The following STX3 variants were observed in gnomAD, a reference collection of about 807,000 sequenced individuals.
STX3 encodes the protein syntaxin 3, also known as syntaxin-3.
Under a neutral mutation model 40.2 loss-of-function variants are expected in STX3, and 19 were observed. That is an observed-to-expected ratio of 0.47 (90% CI 0.33 to 0.69). The LOEUF is 0.69. Ranked by LOEUF, STX3 falls within the 30% of genes least tolerant of loss-of-function variation. The pLI, the probability that STX3 is intolerant of heterozygous loss-of-function variation, is 0.02. For missense variants in STX3, 364 were observed against 366.7 expected, an observed-to-expected ratio of 0.99 and a Z score of 0.06; for synonymous variants, 122 against 132.2, an observed-to-expected ratio of 0.92 and a Z score of 0.53.
chr11:59,795,954 T>C (rs1333366535), intron 9 of STX3, among the ~76,000 whole-genome samples: 1 of 152,160 alleles, frequency 6.6e-6, no homozygotes, highest in African/African-American at 2.4e-5. Flanking sequence ...TTCTGTAGGA[T>C]GGATGCATGG....
Position 59,803,283 on chromosome 11 carries a change from C to A in STX3, c.*2459C>A. ...TCATCTTAGCTTCCACCATTGGGAG[C>A]ATATTTGCCTGAAAAAGGTGAGCCA... On this transcript the variant is annotated 3_prime_UTR_variant, in exon 11 of 11. Transcript: ENST00000337979. The A allele has an allele frequency of 8.1e-7, 1 of 1,231,682 alleles. No homozygotes were observed. The highest frequency in any genetic ancestry group is 1.0e-6 in the Non-Finnish European group (1 of 987,944). 76.3% of individuals were successfully genotyped at this position (1,231,682 alleles called of 1,614,324 possible).
Position 59,804,509 on chromosome 11 carries a change from G to C in STX3, c.*3685G>C, listed in dbSNP as rs560694828. 1.3e-5 allele frequency: 2 copies of C among 152,332 alleles called. No homozygotes were observed. Among genetic ancestry groups the C allele is most frequent in the Non-Finnish European group, 2.9e-5 (2 of 68,030 alleles). 9.4% of individuals were successfully genotyped at this position (152,332 alleles called of 1,614,324 possible). A position where few individuals can be genotyped will look rare whatever the true frequency, so the allele number is the denominator to read the frequency against. On this transcript the variant is annotated 3_prime_UTR_variant, in exon 11 of 11. Transcript: ENST00000337979. ...TCTTTAAGGTACCAATGAGAACGTG[G>C]TTTGTTACTGTCAGAGGCTGTGTAA...
At chr11:59,782,917 T>G (rs1864492662) in intron 2 of STX3, among the ~76,000 whole-genome samples, 1 of 151,804 alleles carries the variant, frequency 6.6e-6, no homozygotes, top group Non-Finnish European at 1.5e-5. Context: ...GAGAATCACT[T>G]GAACCCGGGA....
chr11:59,755,476 C>G lies in STX3; in HGVS notation c.-130C>G. 8.3e-7 allele frequency: 1 copy of G among 1,199,640 alleles called. No individual in the cohort carries two copies. Among genetic ancestry groups the G allele is most frequent in the Non-Finnish European group, 1.1e-6 (1 of 918,596 alleles). 74.3% of individuals were successfully genotyped at this position (1,199,640 alleles called of 1,614,324 possible). A position where few individuals can be genotyped will look rare whatever the true frequency, so the allele number is the denominator to read the frequency against. On this transcript the variant is annotated 5_prime_UTR_variant, in exon 1 of 11. Coordinates refer to ENST00000337979, the MANE Select transcript of STX3 (RefSeq NM_004177.5). ...CCTAGCTAGCGGCCGCCGCCCGCCG[C>G]CGCCTGCGCCTCCAGCTCCTTCGCC...
chr11:59,766,670 C>T (rs1264091270), intron 1 of STX3, among the ~76,000 whole-genome samples: 2 of 152,246 alleles, frequency 1.3e-5, no homozygotes, highest in African/African-American at 4.8e-5. Context: ...TCCACTTTCT[C>T]AGCCCAGGAT....
intron 2 of STX3, among the ~76,000 whole-genome samples, chr11:59,775,265 T>C (rs1173773727): frequency 6.6e-6 from 1 of 152,198 alleles, no homozygotes; most frequent in Non-Finnish European, 1.5e-5. Flanking sequence ...ATCAGAGTCA[T>C]AGTGAGATCA....
At chr11:59,792,390 C>T (rs1337912232) in intron 6 of STX3, among the ~76,000 whole-genome samples, 175 bp downstream of exon 6, 3 of 152,282 alleles carry the variant, frequency 2.0e-5, no homozygotes, top group African/African-American at 7.2e-5. Context: ...AAGGTGACAC[C>T]GTGTTTATCA....
intron 10 of STX3, among the ~76,000 whole-genome samples, chr11:59,798,258 G>T (rs1865647389): frequency 6.6e-6 from 1 of 151,558 alleles, no homozygotes; most frequent in Non-Finnish European, 1.5e-5. Context: ...CCCAGCCTGG[G>T]GTGCAGTGGC....
Position 59,801,812 on chromosome 11 carries a change from A to T in STX3, c.*988A>T, listed in dbSNP as rs1865897214. 3.0e-6 allele frequency: 3 copies of T among 985,424 alleles called. No homozygotes were observed. The African/African-American group carries it at 5.2e-5, about 17-fold the overall frequency. The allele number at this position is 985,424 out of a possible 1,614,324, so 61.0% of individuals were successfully genotyped here. On this transcript the variant is annotated 3_prime_UTR_variant, in exon 11 of 11. Coordinates refer to ENST00000337979, the MANE Select transcript of STX3 (RefSeq NM_004177.5). ...GAAGTAGGAAATAAAAATGGAAGCT[A>T]TTATGACCTCAAAAAAAAAAAGCCA...
Position 59,804,467 on chromosome 11 carries a change from G to A in STX3, c.*3643G>A, listed in dbSNP as rs1395399267. On this transcript the variant is annotated 3_prime_UTR_variant, in exon 11 of 11. Coordinates refer to ENST00000337979, the MANE Select transcript of STX3 (RefSeq NM_004177.5). The stretch of plus-strand genomic sequence containing the variant: ...TTATTTCAGTCATGGACAAATCCTT[G>A]GGTTTGACTCCTAAACTCTTTAAGG... 1 of 152,150 alleles carries A rather than the reference G, an allele frequency of 6.6e-6. No homozygotes were observed. The highest frequency in any genetic ancestry group is 1.5e-5 in the Non-Finnish European group (1 of 68,044). The allele number at this position is 152,150 out of a possible 1,614,324, so 9.4% of individuals were successfully genotyped here.
chr11:59,796,916 G>C (rs1427321082), intron 9 of STX3, among the ~76,000 whole-genome samples: 1 of 152,156 alleles, frequency 6.6e-6, no homozygotes, highest in Non-Finnish European at 1.5e-5. Flanking sequence ...TTTGAGACCA[G>C]ACTGGGGAAC....
rs1866006936 is a variant in STX3, at chr11:59,804,514, T to A, written c.*3690T>A. On this transcript the variant is annotated 3_prime_UTR_variant, in exon 11 of 11. Coordinates refer to ENST00000337979, the MANE Select transcript of STX3 (RefSeq NM_004177.5). ...AAGGTACCAATGAGAACGTGGTTTGTTACTGTCAGAGGCTGTGTAAAGCCG... is the reference window on the plus strand; with the variant it reads ...AAGGTACCAATGAGAACGTGGTTTGATACTGTCAGAGGCTGTGTAAAGCCG... 1.3e-5 allele frequency: 2 copies of A among 152,232 alleles called. No individual in the cohort carries two copies. Among genetic ancestry groups the A allele is most frequent in the African/African-American group, 4.8e-5 (2 of 41,462 alleles). 9.4% of individuals were successfully genotyped at this position (152,232 alleles called of 1,614,324 possible). A position where few individuals can be genotyped will look rare whatever the true frequency, so the allele number is the denominator to read the frequency against.
At position 59,781,314 on chromosome 11, in the gene STX3, T is replaced by A; in HGVS notation, c.115-5723T>A. 1.9e-6 allele frequency: 3 copies of A among 1,581,438 alleles called. No individual in the cohort carries two copies. The South Asian group carries it at 3.3e-5, about 17-fold the overall frequency. ...CTGTCCAAAGTGATGATGGAATTTT[T>A]ATTCTACTTTTTCATAGATCCGAGT... On this transcript the variant is annotated intron_variant, in intron 2 of 10. Coordinates refer to ENST00000337979, the MANE Select transcript of STX3 (RefSeq NM_004177.5).
At chr11:59,793,285 G>C in intron 7 of STX3, 95 bp from the exon 8 acceptor site, 1 of 1,606,986 alleles carries the variant, frequency 6.2e-7, no homozygotes, top group South Asian at 1.1e-5. Context: ...GGAGTTCAGG[G>C]AGGCAAGGAG....
chr11:59,766,200 G>C (rs1162084177), intron 1 of STX3, among the ~76,000 whole-genome samples: 5 of 152,144 alleles, frequency 3.3e-5, no homozygotes, highest in South Asian at 2.1e-4. Context: ...CTTCATCTGG[G>C]ATGACTTCCT....
intron 4 of STX3, 149 bp downstream of exon 4, chr11:59,789,096 T>C: frequency 1.6e-6 from 1 of 637,306 alleles, no homozygotes; most frequent in Middle Eastern, 3.7e-4. Context: ...GTCCCCGCAA[T>C]GATCCATTGT....
intron 2 of STX3, among the ~76,000 whole-genome samples, chr11:59,779,972 C>T (rs1565176403): frequency 6.6e-6 from 1 of 152,192 alleles, no homozygotes; most frequent in Non-Finnish European, 1.5e-5. Context: ...CAATGACCTA[C>T]CAGGCAAACT....
chr11:59,768,949 T>C (rs1401181833), intron 1 of STX3, among the ~76,000 whole-genome samples: 1 of 152,222 alleles, frequency 6.6e-6, no homozygotes, highest in Non-Finnish European at 1.5e-5. Context: ...TACATGGCTC[T>C]ATTGCATAGT....
chr11:59,802,903 G>A lies in STX3; in HGVS notation c.*2079G>A. Reference sequence around the variant, plus strand: ...TATGTTTGTGTTTCAGATTTGAGGTGTTCCCCCCAAAAGAATTTGGTTCAG... The same window carrying A: ...TATGTTTGTGTTTCAGATTTGAGGTATTCCCCCCAAAAGAATTTGGTTCAG... On this transcript the variant is annotated 3_prime_UTR_variant, in exon 11 of 11. Coordinates refer to ENST00000337979, the MANE Select transcript of STX3 (RefSeq NM_004177.5). The A allele has an allele frequency of 1.0e-6, 1 of 985,436 alleles. No individual in the cohort carries two copies. The highest frequency in any genetic ancestry group is 4.7e-5 in the South Asian group (1 of 21,286). 61.0% of individuals were successfully genotyped at this position (985,436 alleles called of 1,614,324 possible). A position where few individuals can be genotyped will look rare whatever the true frequency, so the allele number is the denominator to read the frequency against.
Sources: allele counts gnomAD v4.1 joint callset (sites outside exome capture counted in the v4.1 genomes callset), GRCh38; gene constraint gnomAD v4.1.1; transcripts MANE v1.5; gene names NCBI Gene and HGNC (gene_info 2026-07-23, HGNC 2026-07-21).